PHYHIPL: variants seen among roughly 807,000 people sequenced by gnomAD.
PHYHIPL encodes the protein phytanoyl-CoA hydroxylase-interacting protein-like.
PHYHIPL carries 9 observed loss-of-function variants against 33.4 expected under a neutral mutation model. That is an observed-to-expected ratio of 0.27 (90% CI 0.16 to 0.47). PHYHIPL has a LOEUF of 0.47. Among genes scored for constraint, PHYHIPL ranks in the 20% least tolerant of loss-of-function variants. The pLI, the probability that PHYHIPL is intolerant of heterozygous loss-of-function variation, is 0.99. For synonymous variants in PHYHIPL, 153 were observed against 154.1 expected (o/e 0.99, Z 0.05); for missense variants, 365 against 460.7 (o/e 0.79, Z 1.90).
At chr10:59,244,206 G>A (rs956882743) in intron 4 of PHYHIPL, among the ~76,000 whole-genome samples, 7 of 152,214 alleles carry the variant, frequency 4.6e-5, no homozygotes, top group African/African-American at 1.4e-4. Flanking sequence ...AGGTAAAGTG[G>A]GAATAACTAG....
chr10:59,197,535 A>G (rs1174561136), intron 1 of PHYHIPL, among the ~76,000 whole-genome samples: 1 of 152,130 alleles, frequency 6.6e-6, no homozygotes, highest in Non-Finnish European at 1.5e-5. Flanking sequence ...TTTTCTTTCC[A>G]AAATTTCACT....
At chr10:59,214,086 G>GA (rs1364668456) in intron 1 of PHYHIPL, among the ~76,000 whole-genome samples, 3 of 151,824 alleles carry the variant, frequency 2.0e-5, no homozygotes, top group Non-Finnish European at 4.4e-5. Flanking sequence ...GCCATCTAGA[G>GA]AAAAAAAATT....
rs1233637593 is a variant in PHYHIPL, at chr10:59,245,273, C to A, written c.813C>A (p.Phe271Leu). ...ATACTAACTTATACTTTGGGGACTT[C>A]TACTGTATGTACACTGCTTATCATT... ...NPNTNLYFGD[F>L]YCMYTAYHYV... The change falls in exon 5 of 5, where the codon TTC becomes TTA. Residue 271 changes from phenylalanine (F) to leucine (L), a missense_variant. Coordinates refer to ENST00000373880, the MANE Select transcript of PHYHIPL (RefSeq NM_032439.4). The A allele has an allele frequency of 6.2e-7, 1 of 1,614,138 alleles. No homozygotes were observed. Among genetic ancestry groups the A allele is most frequent in the African/African-American group, 1.3e-5 (1 of 75,058 alleles).
At chr10:59,209,620 A>T (rs1839389298) in intron 1 of PHYHIPL, among the ~76,000 whole-genome samples, 1 of 152,196 alleles carries the variant, frequency 6.6e-6, no homozygotes, top group South Asian at 2.1e-4. Flanking sequence ...TCCAATTAAA[A>T]GACACAGACT....
chr10:59,234,531 G>T lies in PHYHIPL; in HGVS notation c.303+31G>T, dbSNP rs767506829. ...ATCTAACAAATACTCATGCTAATTT[G>T]CATCTTAAAACTTTCTAAGTATGAG... On this transcript the variant is annotated intron_variant, in intron 2 of 4. Coordinates refer to ENST00000373880, the MANE Select transcript of PHYHIPL (RefSeq NM_032439.4). The T allele has an allele frequency of 6.2e-6, 9 of 1,440,328 alleles. No homozygotes were observed. The South Asian group carries it at 1.3e-4, about 21-fold the overall frequency. 89.2% of individuals were successfully genotyped at this position (1,440,328 alleles called of 1,614,324 possible). A position where few individuals can be genotyped will look rare whatever the true frequency, so the allele number is the denominator to read the frequency against.
rs539662965 is a variant in PHYHIPL, at chr10:59,186,888, A to G, written c.106+9929A>G. On this transcript the variant is annotated intron_variant, in intron 1 of 4. Coordinates refer to ENST00000373880, the MANE Select transcript of PHYHIPL (RefSeq NM_032439.4). ...GCTGAGACAATGGGGTTTTCTAGAT[A>G]TACAATCATGTCATCTGCAAACAGG... Among the ~76,000 whole-genome samples, 30 of 152,338 alleles carry G rather than the reference A, an allele frequency of 2.0e-4. 1 individual carries two copies. The East Asian group carries it at 5.6e-3, about 28-fold the overall frequency.
At chr10:59,222,615 TATC>T (rs1207887754) in intron 1 of PHYHIPL, among the ~76,000 whole-genome samples, 4 of 152,076 alleles carry the variant, frequency 2.6e-5, no homozygotes, top group African/African-American at 4.8e-5. Flanking sequence ...TATACTAAAA[TATC>T]ATCACATAAA....
At chr10:59,202,873 C>G (rs962213988) in intron 1 of PHYHIPL, among the ~76,000 whole-genome samples, 3 of 152,104 alleles carry the variant, frequency 2.0e-5, no homozygotes, top group Non-Finnish European at 4.4e-5. Context: ...CATGATTTTT[C>G]AAACTGTTTT....
chr10:59,198,666 C>T (rs138794033), intron 1 of PHYHIPL, among the ~76,000 whole-genome samples: 6,507 of 152,324 alleles, frequency 0.043, 198 homozygotes, highest in Middle Eastern at 0.095. Context: ...TTTACAGTCC[C>T]ACTAACAGTG....
chr10:59,235,851 C>T (rs1840214915), intron 2 of PHYHIPL, among the ~76,000 whole-genome samples: 1 of 151,976 alleles, frequency 6.6e-6, no homozygotes, highest in East Asian at 1.9e-4. Flanking sequence ...CACATAGACT[C>T]TATATTTGAA....
At position 59,176,867 on chromosome 10, in the gene PHYHIPL, G is replaced by T. The variant is rs148481159; in HGVS notation, c.14G>T (p.Arg5Leu). The change falls in exon 1 of 5, where the codon CGC (arginine) becomes CTC (leucine). Residue 5 changes from arginine to leucine, a missense_variant. Coordinates refer to ENST00000373880, the MANE Select transcript of PHYHIPL (RefSeq NM_032439.4). MEVP[R>L]LDHALNSPTS... ...TGGGTTGGAAAAATGGAGGTGCCGCGCCTGGATCATGCCCTCAACAGCCCC... is the reference window on the plus strand; with the variant it reads ...TGGGTTGGAAAAATGGAGGTGCCGCTCCTGGATCATGCCCTCAACAGCCCC... 1 of 1,612,764 alleles carries T rather than the reference G, an allele frequency of 6.2e-7. No individual in the cohort carries two copies. Among genetic ancestry groups the T allele is most frequent in the South Asian group, 1.1e-5 (1 of 90,816 alleles).
chr10:59,221,506 CATCAATG>C (rs1839775474), intron 1 of PHYHIPL, among the ~76,000 whole-genome samples: 2 of 152,020 alleles, frequency 1.3e-5, no homozygotes, highest in Admixed American at 1.3e-4. Context: ...TCACCTTTAG[CATCAATG>C]ATCACATCCA....
At chr10:59,198,504 G>A (rs553067966) in intron 1 of PHYHIPL, among the ~76,000 whole-genome samples, 37 of 152,012 alleles carry the variant, frequency 2.4e-4, no homozygotes, top group African/African-American at 7.7e-4. Flanking sequence ...GAATAGTGCC[G>A]CACTGAACAT....
intron 1 of PHYHIPL, among the ~76,000 whole-genome samples, chr10:59,183,477 G>A (rs577597388): frequency 1.3e-5 from 2 of 152,290 alleles, no homozygotes; most frequent in South Asian, 4.2e-4. Context: ...CCACTAGGGA[G>A]ACTGGAAATT....
chr10:59,216,340 G>A (rs1414667976), intron 1 of PHYHIPL, among the ~76,000 whole-genome samples: 1 of 152,092 alleles, frequency 6.6e-6, no homozygotes, highest in Non-Finnish European at 1.5e-5. Context: ...AGACAGCACT[G>A]GTCAGGAAAG....
chr10:59,189,269 G>T (rs1174173673), intron 1 of PHYHIPL, among the ~76,000 whole-genome samples: 1 of 151,890 alleles, frequency 6.6e-6, no homozygotes, highest in Non-Finnish European at 1.5e-5. Flanking sequence ...AGAATTTCTA[G>T]AAAAATGAAA....
At chr10:59,223,669 T>TG (rs1839839796) in intron 1 of PHYHIPL, among the ~76,000 whole-genome samples, 8 of 141,958 alleles carry the variant, frequency 5.6e-5, no homozygotes, top group Non-Finnish European at 9.1e-5. Flanking sequence ...TCAGTTTAAC[T>TG]ATTTTTTTTT....
chr10:59,214,114 T>C (rs2133244851), intron 1 of PHYHIPL, among the ~76,000 whole-genome samples: 1 of 152,254 alleles, frequency 6.6e-6, no homozygotes, highest in South Asian at 2.1e-4. Context: ...AATTGATAAA[T>C]GAATTTCTAT....
rs201898478 is a variant in PHYHIPL at position 59,243,858 on chromosome 10, CAAAT to C, written c.597-1197_597-1194del. 3.0e-4 allele frequency among the ~76,000 whole-genome samples: 45 copies of C among 152,066 alleles called. 1 individual carries two copies. In the East Asian group the frequency reaches 8.5e-3, roughly 29 times the overall value. On this transcript the variant is annotated intron_variant, in intron 4 of 4. Coordinates refer to ENST00000373880, the MANE Select transcript of PHYHIPL (RefSeq NM_032439.4). ...AGAGGTGTAGTCAGGGTTACGGTAACAAATAGGGGATGCTAAAGGAACCAAGAAC... is the reference window on the plus strand; with the variant it reads ...AGAGGTGTAGTCAGGGTTACGGTAACAGGGGATGCTAAAGGAACCAAGAAC...
Sources: gnomAD v4.1 joint callset for allele counts (sites outside exome capture counted in the v4.1 genomes callset) on GRCh38, gnomAD v4.1.1 for gene constraint, MANE v1.5 for transcripts, NCBI Gene and HGNC (gene_info 2026-07-23, HGNC 2026-07-21) for gene names.